Variants in PTPRD observed in about 807,000 individuals in gnomAD.
The protein encoded by PTPRD is receptor-type tyrosine-protein phosphatase delta.
Under a neutral mutation model 214.5 loss-of-function variants are expected in PTPRD, and 34 were observed. That is an observed-to-expected ratio of 0.16 (90% CI 0.12 to 0.21). The LOEUF is 0.21. Ranked by LOEUF, PTPRD falls within the 10% of genes least tolerant of loss-of-function variation. PTPRD has a pLI of 1.00. For missense variants in PTPRD, 2,545 were observed against 2,398.7 expected (o/e 1.06, Z -1.27); for synonymous variants, 1,128 against 845.7 (o/e 1.33, Z -5.79).
intron 5 of PTPRD, among the ~76,000 whole-genome samples, chr9:9,877,957 T>C (rs574435308): frequency 5.1e-3 from 409 of 79,684 alleles, no homozygotes; most frequent in African/African-American, 0.021. Flanking sequence ...TGGGCAACAA[T>C]AGCAAAACTC....
intron 11 of PTPRD, among the ~76,000 whole-genome samples, chr9:8,956,093 C>T (rs2099130169): frequency 6.6e-6 from 1 of 151,868 alleles, no homozygotes; most frequent in Non-Finnish European, 1.5e-5. Context: ...TACAAATGCT[C>T]AATCTTTCCA....
At chr9:10,530,011 T>C (rs1009367043) in intron 2 of PTPRD, among the ~76,000 whole-genome samples, 1 of 152,024 alleles carries the variant, frequency 6.6e-6, no homozygotes, top group Non-Finnish European at 1.5e-5. Flanking sequence ...CCATGGCCCA[T>C]GTATACCTAT....
rs185931022 is a variant in PTPRD at position 8,636,843 on chromosome 9, T to C, written c.66A>G (p.Thr22=). The C allele has an allele frequency of 9.9e-6, 16 of 1,610,088 alleles. No individual in the cohort carries two copies. In the East Asian group the frequency reaches 1.1e-4, roughly 11 times the overall value. ...CGGGTGTTCGTGTAAACCTTGGAGG[T>C]GCTGAAATAAAAAATAAACATCACA... The part of the protein sequence containing the change: ...LTFFLRTDAE[T]PPRFTRTPVD... The change falls in exon 13 of 46, where the codon ACA becomes ACG. Residue 22 remains threonine, a splice_region_variant and synonymous_variant. Transcript: ENST00000381196.
At chr9:8,409,812 AAAC>A (rs2093364507) in intron 35 of PTPRD, among the ~76,000 whole-genome samples, 1 of 152,228 alleles carries the variant, frequency 6.6e-6, no homozygotes, top group African/African-American at 2.4e-5. Context: ...TGTGTTTTTA[AAAC>A]AACTAACAAA....
chr9:9,357,977 T>A (rs1160761958), intron 9 of PTPRD, among the ~76,000 whole-genome samples: 2 of 151,318 alleles, frequency 1.3e-5, no homozygotes, highest in Non-Finnish European at 3.0e-5. Context: ...AAACTATTTC[T>A]CTGGAGTTCA....
intron 2 of PTPRD, among the ~76,000 whole-genome samples, chr9:10,423,246 A>G (rs1565939686): frequency 6.6e-6 from 1 of 151,774 alleles, no homozygotes; most frequent in Non-Finnish European, 1.5e-5. Flanking sequence ...ATAGGTGGGA[A>G]TTGAACAATG....
At chr9:9,350,624 C>T (rs1335262305) in intron 9 of PTPRD, among the ~76,000 whole-genome samples, 1 of 151,808 alleles carries the variant, frequency 6.6e-6, no homozygotes. Flanking sequence ...GATGTAGTAT[C>T]CTCTATATTT....
chr9:9,140,220 A>G (rs1432643964), intron 10 of PTPRD, among the ~76,000 whole-genome samples: 1 of 152,062 alleles, frequency 6.6e-6, no homozygotes, highest in Non-Finnish European at 1.5e-5. Flanking sequence ...AAAAAGAAAA[A>G]AAAGAAAAAG....
At chr9:8,345,785 G>T (rs563082062) in intron 39 of PTPRD, among the ~76,000 whole-genome samples, 1 of 151,964 alleles carries the variant, frequency 6.6e-6, no homozygotes. Flanking sequence ...ACTGGCATCC[G>T]TTCAGACTGT....
chr9:8,708,745 A>C (rs1388847653), intron 12 of PTPRD, among the ~76,000 whole-genome samples: 1 of 151,254 alleles, frequency 6.6e-6, no homozygotes, highest in African/African-American at 2.4e-5. Context: ...TACTAGGTCT[A>C]TATATTCAAA....
intron 2 of PTPRD, among the ~76,000 whole-genome samples, chr9:10,436,485 T>C (rs1052416572): frequency 1.3e-5 from 2 of 151,702 alleles, no homozygotes; most frequent in Non-Finnish European, 2.9e-5. Flanking sequence ...ATTTGAGAAA[T>C]AGAATAAATC....
intron 11 of PTPRD, among the ~76,000 whole-genome samples, chr9:8,786,402 CTTTTTTTTTT>C (rs36018689): frequency 1.5e-5 from 1 of 66,994 alleles, no homozygotes; most frequent in Non-Finnish European, 2.7e-5. Context: ...GTTTGGAGTT[CTTTTTTTTTT>C]TTTTTTTTTT....
intron 13 of PTPRD, among the ~76,000 whole-genome samples, chr9:8,635,995 A>G (rs897219091): frequency 3.3e-5 from 5 of 152,098 alleles, no homozygotes; most frequent in Non-Finnish European, 7.4e-5. Context: ...AAGAAAACCA[A>G]CTTCTTCGAT....
intron 4 of PTPRD, among the ~76,000 whole-genome samples, chr9:9,947,263 C>T (rs1304504979): frequency 2.6e-5 from 3 of 115,852 alleles, no homozygotes; most frequent in Non-Finnish European, 5.0e-5. Context: ...AAATTCTTTT[C>T]TAGTTATACT....
intron 5 of PTPRD, among the ~76,000 whole-genome samples, chr9:9,781,228 T>C (rs932157983): frequency 2.6e-5 from 4 of 152,140 alleles, no homozygotes; most frequent in African/African-American, 4.8e-5. Context: ...GGGTAACAAA[T>C]ATATCAAAGT....
At chr9:8,785,139 G>T (rs758682554) in intron 11 of PTPRD, among the ~76,000 whole-genome samples, 1 of 152,098 alleles carries the variant, frequency 6.6e-6, no homozygotes, top group Non-Finnish European at 1.5e-5. Flanking sequence ...CAAAAATCAG[G>T]ACTTGGTGTA....
intron 3 of PTPRD, among the ~76,000 whole-genome samples, chr9:10,190,386 GAAAAAAAAAAAAAAAAA>G (rs66511711): frequency 3.0e-4 from 15 of 50,152 alleles, no homozygotes; most frequent in South Asian, 8.6e-4. Context: ...TCTATCTCCA[GAAAAAAAAAAAAAAAAA>G]AAAAAAAAAA....
chr9:10,501,278 T>A (rs180817690), intron 2 of PTPRD, among the ~76,000 whole-genome samples: 2 of 152,054 alleles, frequency 1.3e-5, no homozygotes, highest in African/African-American at 4.8e-5. Context: ...GATTTGTATT[T>A]CTCTGCTGAT....
chr9:10,230,860 C>T lies in PTPRD; in HGVS notation c.-545+110103G>A, dbSNP rs140468360. On this transcript the variant is annotated intron_variant, in intron 3 of 45. Coordinates refer to ENST00000381196, the MANE Select transcript of PTPRD (RefSeq NM_002839.4). ...GCATCGGTTGTGGAAGGAGCACTGT[C>T]CAGCCCAGAGTGCTTCTAGCGTTTA... is the stretch of plus-strand genomic sequence containing the variant. 1.2e-3 allele frequency among the ~76,000 whole-genome samples: 177 copies of T among 152,104 alleles called. 2 individuals carry two copies. Among genetic ancestry groups the T allele is most frequent in the African/African-American group, 4.0e-3 (167 of 41,538 alleles).
Sources: gnomAD v4.1 joint callset for allele counts (sites outside exome capture counted in the v4.1 genomes callset) on GRCh38, gnomAD v4.1.1 for gene constraint, MANE v1.5 for transcripts, NCBI Gene and HGNC (gene_info 2026-07-23, HGNC 2026-07-21) for gene names.